The following ZNF610 variants were observed in gnomAD, a reference collection of about 807,000 sequenced individuals.
ZNF610 encodes zinc finger protein 610, also known as zink finger protein.
Under a neutral mutation model 14.1 loss-of-function variants are expected in ZNF610, and 14 were observed. The ratio of observed to expected loss-of-function variants is 0.99; its 90% CI spans 0.65 to 1.55. The LOEUF is 1.55. Ranked by LOEUF, ZNF610 falls within the 40% of genes most tolerant of loss-of-function variation. The probability of loss-of-function intolerance (pLI) is 0.00; values close to 1 mark genes in which losing one functional copy is unlikely to be tolerated. For missense variants in ZNF610, 530 were observed against 558.0 expected (o/e 0.95, Z 0.51); for synonymous variants, 185 against 187.6 (o/e 0.99, Z 0.11).
At chr19:52,338,452 G>T (rs1984484658) in intron 1 of ZNF610, among the ~76,000 whole-genome samples, 1 of 152,182 alleles carries the variant, frequency 6.6e-6, no homozygotes, top group Admixed American at 6.5e-5. Flanking sequence ...GGGAAGCCAA[G>T]GTGGGCAGAT....
At chr19:52,345,853 C>A (rs1984916743) in intron 1 of ZNF610, among the ~76,000 whole-genome samples, 1 of 150,724 alleles carries the variant, frequency 6.6e-6, no homozygotes, top group Non-Finnish European at 1.5e-5. Context: ...TACAGGCGCT[C>A]ACCACCACGC....
intron 3 of ZNF610, among the ~76,000 whole-genome samples, chr19:52,349,452 G>A (rs1378333251): frequency 2.6e-5 from 4 of 152,082 alleles, no homozygotes; most frequent in African/African-American, 9.7e-5. Flanking sequence ...GGATGGAGAC[G>A]GGGTGAGGGT....
chr19:52,338,067 G>C (rs1600228260), intron 1 of ZNF610, among the ~76,000 whole-genome samples: 1 of 152,348 alleles, frequency 6.6e-6, no homozygotes, highest in South Asian at 2.1e-4. Flanking sequence ...CCTGGGTGTT[G>C]TGTAATTTAA....
Position 52,339,615 on chromosome 19 carries a change from T to G in ZNF610, c.-258+3109T>G, listed in dbSNP as rs184571946. On this transcript the variant is annotated intron_variant, in intron 1 of 5. Coordinates refer to ENST00000403906, the MANE Select transcript of ZNF610 (RefSeq NM_001161425.2). ...ACAGGGTTGGGGCTAGGGTTACAGA[T>G]TCACAGCATCTCAAGGCAGAAGAAT... 8.6e-4 allele frequency among the ~76,000 whole-genome samples: 131 copies of G among 152,238 alleles called. 2 individuals carry two copies. The highest frequency in any genetic ancestry group is 3.0e-3 in the African/African-American group (125 of 41,532).
intron 2 of ZNF610, among the ~76,000 whole-genome samples, chr19:52,348,874 C>T (rs1028155037): frequency 1.3e-5 from 2 of 152,190 alleles, no homozygotes; most frequent in African/African-American, 4.8e-5. Flanking sequence ...TTGGTCACAG[C>T]TGTGTCTCTT....
intron 3 of ZNF610, among the ~76,000 whole-genome samples, chr19:52,352,198 C>G (rs1239424787): frequency 6.6e-6 from 1 of 152,018 alleles, no homozygotes; most frequent in Non-Finnish European, 1.5e-5. Flanking sequence ...GTGTGTGTGT[C>G]ATTTATAATT....
chr19:52,330,440 G>A, the ZNF610 span: 3 of 152,078 alleles, frequency 2.0e-5, no homozygotes, highest in East Asian at 1.9e-4. Flanking sequence ...GTGATTCTGC[G>A]ACCTCACCTC....
intron 2 of ZNF610, among the ~76,000 whole-genome samples, chr19:52,348,748 C>T (rs146141771): frequency 5.9e-5 from 9 of 152,258 alleles, no homozygotes; most frequent in African/African-American, 2.2e-4. Flanking sequence ...TACGGGGATT[C>T]CAGTGTGTTC....
chr19:52,342,328 A>C (rs1984723964), intron 1 of ZNF610, among the ~76,000 whole-genome samples: 1 of 152,044 alleles, frequency 6.6e-6, no homozygotes, highest in African/African-American at 2.4e-5. Context: ...TTCTTCCTCT[A>C]GGAAGTACCC....
In ZNF610 at chr19:52,366,154, C is replaced by T. The variant is rs1433288255; in HGVS notation, c.776C>T (p.Pro259Leu). The part of the protein sequence containing the change: ...EHWRIHTGQK[P>L]YKCSECDKVF... ...TGGAGAATTCATACTGGACAGAAGC[C>T]TTACAAATGTAGTGAATGTGACAAG... Residue 259 changes from proline (P) to leucine (L), a missense_variant, in exon 6 of 6, where the codon CCT becomes CTT. Physicochemically the swap from Pro to Leu is moderately conservative, Grantham distance 98. Coordinates refer to ENST00000403906, the MANE Select transcript of ZNF610 (RefSeq NM_001161425.2). 1.1e-5 allele frequency: 17 copies of T among 1,613,584 alleles called. No homozygotes were observed. The highest frequency in any genetic ancestry group is 1.4e-5 in the Non-Finnish European group (17 of 1,179,654).
rs1432651328 is a variant in ZNF610 at position 52,353,813 on chromosome 19, G to A, written c.190+5G>A. ...ACAGGAACCTGGTCTTTCTGGGTGA[G>A]GATGACTTCCCTCCAGAAGCCGGGA... On this transcript the variant is annotated splice_donor_5th_base_variant and intron_variant, in intron 4 of 5. Transcript: ENST00000403906. The A allele has an allele frequency of 1.9e-6, 3 of 1,607,630 alleles. No individual in the cohort carries two copies. In the African/African-American group the frequency reaches 4.0e-5, roughly 22 times the overall value.
At chr19:52,344,357 C>G (rs1462495226) in intron 1 of ZNF610, among the ~76,000 whole-genome samples, 1 of 151,996 alleles carries the variant, frequency 6.6e-6, no homozygotes, top group Non-Finnish European at 1.5e-5. Flanking sequence ...CCAGCCTGAC[C>G]CCACCCCAAC....
chr19:52,343,987 G>T, intron 1 of ZNF610: 1 of 152,226 alleles, frequency 6.6e-6, no homozygotes. Flanking sequence ...CATTCTCCAG[G>T]GGAGCTGGGA....
At chr19:52,331,883 C>T (rs1246384111), upstream of ZNF610, among the ~76,000 whole-genome samples, 1 of 152,178 alleles carries the variant, frequency 6.6e-6, no homozygotes, top group Admixed American at 6.5e-5. Flanking sequence ...TTTGTTCAAT[C>T]CCCCTAGGTC....
At chr19:52,343,493 T>TGA (rs151058125) in intron 1 of ZNF610, among the ~76,000 whole-genome samples, 127,882 of 151,670 alleles carry the variant, frequency 0.84, 54,200 homozygotes, top group South Asian at 0.88. Context: ...TGCTTGGACC[T>TGA]GAGGCAGAGG....
At chr19:52,337,548 GA>G (rs1452420098) in intron 1 of ZNF610, among the ~76,000 whole-genome samples, 1 of 150,822 alleles carries the variant, frequency 6.6e-6, no homozygotes, top group Admixed American at 6.6e-5. Context: ...GAGAGGGGCA[GA>G]AAAATAAGCC....
intron 2 of ZNF610, among the ~76,000 whole-genome samples, chr19:52,348,683 G>A (rs985280000): frequency 6.6e-6 from 1 of 152,206 alleles, no homozygotes; most frequent in Non-Finnish European, 1.5e-5. Flanking sequence ...ATAGAGGTCA[G>A]TACTGTTTGA....
chr19:52,348,486 G>A (rs572835865), intron 2 of ZNF610, among the ~76,000 whole-genome samples: 48 of 152,200 alleles, frequency 3.2e-4, no homozygotes, highest in African/African-American at 1.1e-3. Context: ...AGGGCCGAGT[G>A]TAGACTCTAT....
chr19:52,354,021 A>G (rs921172536), intron 4 of ZNF610, among the ~76,000 whole-genome samples: 1 of 152,216 alleles, frequency 6.6e-6, no homozygotes, highest in Non-Finnish European at 1.5e-5. Flanking sequence ...GTGGCACCGG[A>G]TAACCAGTTC....
Sources: allele counts gnomAD v4.1 joint callset (sites outside exome capture counted in the v4.1 genomes callset), GRCh38; gene constraint gnomAD v4.1.1; transcripts MANE v1.5; gene names NCBI Gene and HGNC (gene_info 2026-07-23, HGNC 2026-07-21).